EFNA5: variants seen among roughly 807,000 people sequenced by gnomAD.
EFNA5 encodes the protein ephrin-A5.
A neutral mutation model predicts 22.9 loss-of-function variants in EFNA5; 5 were observed. That is an observed-to-expected ratio of 0.22 (90% CI 0.11 to 0.46). The LOEUF (loss-of-function observed/expected upper bound fraction) is 0.46. EFNA5 is among the 20% of genes least tolerant of loss of function. EFNA5 has a pLI of 0.99. For missense variants in EFNA5, 237 were observed against 293.3 expected (o/e 0.81, Z 1.40); for synonymous variants, 113 against 112.2 (o/e 1.01, Z -0.04).
intron 1 of EFNA5, among the ~76,000 whole-genome samples, chr5:107,535,919 T>G (rs1482804835): frequency 6.6e-6 from 1 of 152,200 alleles, no homozygotes; most frequent in Non-Finnish European, 1.5e-5. Context: ...TAGTCTACAC[T>G]TGTCTATCTG....
chr5:107,448,873 A>AT (rs1749471335), intron 1 of EFNA5, among the ~76,000 whole-genome samples: 2 of 151,036 alleles, frequency 1.3e-5, no homozygotes, highest in South Asian at 2.1e-4. Context: ...AAATAAATAA[A>AT]ATAAAATAAA....
intron 1 of EFNA5, among the ~76,000 whole-genome samples, chr5:107,484,807 T>C (rs377707281): frequency 5.7e-4 from 86 of 152,038 alleles, no homozygotes; most frequent in Middle Eastern, 3.4e-3. Flanking sequence ...TGTATTTTTT[T>C]TTTTTAGATT....
At chr5:107,428,707 T>A (rs190714193) in intron 1 of EFNA5, among the ~76,000 whole-genome samples, 2 of 152,352 alleles carry the variant, frequency 1.3e-5, no homozygotes, top group East Asian at 3.9e-4. Context: ...TAAAGTCATA[T>A]AATCTCCAAG....
intron 1 of EFNA5, among the ~76,000 whole-genome samples, chr5:107,471,932 A>T (rs1750151824): frequency 6.6e-6 from 1 of 152,222 alleles, no homozygotes; most frequent in Non-Finnish European, 1.5e-5. Context: ...GTTTCTTTTA[A>T]CATTTAATAA....
chr5:107,485,006 A>T (rs2112405435), intron 1 of EFNA5, among the ~76,000 whole-genome samples: 1 of 152,174 alleles, frequency 6.6e-6, no homozygotes, highest in East Asian at 1.9e-4. Context: ...TTTTAAAAAG[A>T]AAAAGAAAAA....
At chr5:107,486,428 T>C (rs1336909048) in intron 1 of EFNA5, among the ~76,000 whole-genome samples, 1 of 152,124 alleles carries the variant, frequency 6.6e-6, no homozygotes, top group East Asian at 1.9e-4. Context: ...CTTATGATGA[T>C]AATTCTAAAA....
intron 1 of EFNA5, among the ~76,000 whole-genome samples, chr5:107,433,989 G>T (rs889987141): frequency 2.0e-5 from 3 of 151,908 alleles, no homozygotes; most frequent in Non-Finnish European, 2.9e-5. Context: ...ATGAAATAAA[G>T]ACAAGAGAAG....
chr5:107,390,423 CAG>C (rs1416513458), intron 2 of EFNA5, among the ~76,000 whole-genome samples: 1 of 151,972 alleles, frequency 6.6e-6, no homozygotes, highest in African/African-American at 2.4e-5. Flanking sequence ...AAACAAAAGG[CAG>C]AGGACTGAGC....
chr5:107,584,554 T>C (rs1435352336), intron 1 of EFNA5, among the ~76,000 whole-genome samples: 1 of 152,230 alleles, frequency 6.6e-6, no homozygotes, highest in Non-Finnish European at 1.5e-5. Context: ...TGGATAGTCA[T>C]TGCCTTCAGA....
intron 1 of EFNA5, among the ~76,000 whole-genome samples, chr5:107,637,814 AAAAAACT>A (rs1409372519): frequency 6.7e-6 from 1 of 149,364 alleles, no homozygotes; most frequent in Non-Finnish European, 1.5e-5. Context: ...CAGAGAAAAC[AAAAAACT>A]AAGCTAACAG....
intron 1 of EFNA5, among the ~76,000 whole-genome samples, chr5:107,623,346 C>G (rs1426142908): frequency 1.3e-5 from 2 of 152,002 alleles, no homozygotes; most frequent in Admixed American, 6.6e-5. Context: ...CAGAAATGTA[C>G]CAAATACAGT....
chr5:107,645,160 T>C (rs1201192033), intron 1 of EFNA5, among the ~76,000 whole-genome samples: 1 of 152,214 alleles, frequency 6.6e-6, no homozygotes, highest in Non-Finnish European at 1.5e-5. Context: ...TATAATGCCA[T>C]GACTTACAAA....
At position 107,643,821 on chromosome 5, in the gene EFNA5, A is replaced by G. The variant is rs377542580; in HGVS notation, c.125+26668T>C. 7.2e-5 allele frequency among the ~76,000 whole-genome samples: 11 copies of G among 151,824 alleles called. No individual in the cohort carries two copies. In the East Asian group the frequency reaches 1.2e-3, roughly 16 times the overall value. Reference sequence around the variant, plus strand: ...CTTTCCTGCCTTCTTTCCCAAAGGTATTTCCCCCCTCAACTCTCATTAATT... The same window carrying G: ...CTTTCCTGCCTTCTTTCCCAAAGGTGTTTCCCCCCTCAACTCTCATTAATT... On this transcript the variant is annotated intron_variant, in intron 1 of 4. Coordinates refer to ENST00000333274, the MANE Select transcript of EFNA5 (RefSeq NM_001962.3).
chr5:107,619,509 C>A (rs188997628), intron 1 of EFNA5, among the ~76,000 whole-genome samples: 112 of 151,472 alleles, frequency 7.4e-4, no homozygotes, highest in Middle Eastern at 3.5e-3. Context: ...GTTGCCCAGG[C>A]TGGAGTGCAG....
rs1290061804 is a variant in EFNA5, at chr5:107,380,720, A to G, written c.*535T>C. The G allele has an allele frequency of 7.5e-6, 3 of 398,746 alleles. No individual in the cohort carries two copies. The highest frequency in any genetic ancestry group is 6.3e-4 in the Middle Eastern group (1 of 1,592). 24.7% of individuals were successfully genotyped at this position (398,746 alleles called of 1,614,324 possible). A position where few individuals can be genotyped will look rare whatever the true frequency, so the allele number is the denominator to read the frequency against. ...ACATACTCCTATAGGAAATGGTGTA[A>G]TATCGTATCTATTCTTAATACCTCC... On this transcript the variant is annotated 3_prime_UTR_variant, in exon 5 of 5. Transcript: ENST00000333274.
chr5:107,669,110 A>T (rs924109111), intron 1 of EFNA5, among the ~76,000 whole-genome samples: 2 of 151,646 alleles, frequency 1.3e-5, no homozygotes, highest in African/African-American at 4.8e-5. Context: ...TCCCATCTTC[A>T]TCTGCGCTGA....
At chr5:107,628,039 T>C (rs1049034284) in intron 1 of EFNA5, among the ~76,000 whole-genome samples, 2 of 152,216 alleles carry the variant, frequency 1.3e-5, no homozygotes, top group African/African-American at 4.8e-5. Context: ...AATTTCTTAC[T>C]GCATGCCATG....
rs187036768 is a variant in EFNA5 at position 107,563,287 on chromosome 5, C to T, written c.125+107202G>A. Among the ~76,000 whole-genome samples, 11 of 152,284 alleles carry T rather than the reference C, an allele frequency of 7.2e-5. No homozygotes were observed. The East Asian group carries it at 1.9e-3, about 27-fold the overall frequency. ...GGTTACATCTGACTTTCCCCAAGCA[C>T]CCCACTTTCCTGCCCCATCATTAAA... On this transcript the variant is annotated intron_variant, in intron 1 of 4. Coordinates refer to ENST00000333274, the MANE Select transcript of EFNA5 (RefSeq NM_001962.3).
intron 1 of EFNA5, among the ~76,000 whole-genome samples, chr5:107,437,217 T>C (rs149498): frequency 6.6e-6 from 1 of 152,094 alleles, no homozygotes. Context: ...TTTTATGTTT[T>C]ATCTTCATCA....
Sources: allele counts gnomAD v4.1 joint callset (sites outside exome capture counted in the v4.1 genomes callset), GRCh38; gene constraint gnomAD v4.1.1; transcripts MANE v1.5; gene names NCBI Gene and HGNC (gene_info 2026-07-23, HGNC 2026-07-21).